The following CDKAL1 variants were observed in gnomAD, a reference collection of about 807,000 sequenced individuals.
CDKAL1 encodes threonylcarbamoyladenosine tRNA methylthiotransferase.
In CDKAL1, 32 loss-of-function variants were observed where a neutral mutation model predicts 68.2. The ratio of observed to expected loss-of-function variants is 0.47; its 90% CI spans 0.35 to 0.63. The LOEUF is 0.63. Among genes scored for constraint, CDKAL1 ranks in the 30% least tolerant of loss-of-function variants. CDKAL1 has a pLI of 0.00. For missense variants in CDKAL1, 606 were observed against 696.7 expected (o/e 0.87, Z 1.47); for synonymous variants, 234 against 244.3 (o/e 0.96, Z 0.39).
chr6:21,030,460 G>A (rs151184117), intron 11 of CDKAL1, among the ~76,000 whole-genome samples: 1,552 of 152,188 alleles, frequency 0.01, 28 homozygotes, highest in African/African-American at 0.036. Context: ...AAACCTACAC[G>A]TTCTGCACTT....
chr6:20,658,566 G>GTTTGT (rs142204888), intron 5 of CDKAL1, among the ~76,000 whole-genome samples: 59,913 of 151,718 alleles, frequency 0.39, 12,904 homozygotes, highest in African/African-American at 0.58. Flanking sequence ...TGAAAATATT[G>GTTTGT]TTTATGTAGA....
At chr6:20,567,472 C>T (rs1425062646) in intron 4 of CDKAL1, among the ~76,000 whole-genome samples, 1 of 152,030 alleles carries the variant, frequency 6.6e-6, no homozygotes, top group African/African-American at 2.4e-5. Flanking sequence ...CCATTTCAAT[C>T]TATTTAAACG....
intron 5 of CDKAL1, among the ~76,000 whole-genome samples, chr6:20,680,189 C>T (rs1372063667): frequency 6.6e-6 from 1 of 152,106 alleles, no homozygotes; most frequent in Non-Finnish European, 1.5e-5. Context: ...GCCTCAGCCT[C>T]CTGAATAGCT....
At chr6:20,877,566 T>A (rs149011502) in intron 9 of CDKAL1, among the ~76,000 whole-genome samples, 8 of 152,336 alleles carry the variant, frequency 5.3e-5, no homozygotes, top group East Asian at 1.9e-4. Flanking sequence ...CACTGTGTAT[T>A]ACCGCAGCTG....
chr6:20,575,903 C>T (rs564388392), intron 4 of CDKAL1, among the ~76,000 whole-genome samples: 61 of 152,250 alleles, frequency 4.0e-4, no homozygotes, highest in Admixed American at 1.2e-3. Context: ...ACAAATCTGT[C>T]GTGCCCCTTA....
chr6:20,911,272 G>A (rs1053497781), intron 9 of CDKAL1, among the ~76,000 whole-genome samples: 8 of 152,196 alleles, frequency 5.3e-5, no homozygotes, highest in Admixed American at 4.6e-4. Context: ...TACCCACTAA[G>A]TAGTAGAACC....
rs191987073 is a variant in CDKAL1 at position 21,131,537 on chromosome 6, T to C, written c.1299+23074T>C. 5.3e-5 allele frequency among the ~76,000 whole-genome samples: 8 copies of C among 152,348 alleles called. No homozygotes were observed. In the East Asian group the frequency reaches 1.5e-3, roughly 29 times the overall value. On this transcript the variant is annotated intron_variant, in intron 13 of 15. Transcript: ENST00000274695. ...TATGTATATAACAGAAAAGTCACCATAGACAAGTCAAAAGCAATTTGATGC... is the reference window on the plus strand; with the variant it reads ...TATGTATATAACAGAAAAGTCACCACAGACAAGTCAAAAGCAATTTGATGC...
intron 9 of CDKAL1, among the ~76,000 whole-genome samples, chr6:20,855,914 A>G (rs1759310675): frequency 6.6e-6 from 1 of 152,144 alleles, no homozygotes; most frequent in Admixed American, 6.5e-5. Context: ...TATAAACATA[A>G]TTCTTTCAGC....
At chr6:20,586,978 G>GC (rs1554157982) in intron 4 of CDKAL1, among the ~76,000 whole-genome samples, 1 of 44,452 alleles carries the variant, frequency 2.2e-5, no homozygotes, top group Non-Finnish European at 3.8e-5. Flanking sequence ...TCCTCCAGGT[G>GC]TTTTTTTTTT....
intron 9 of CDKAL1, among the ~76,000 whole-genome samples, chr6:20,949,345 A>G (rs528200741): frequency 6.6e-6 from 1 of 152,318 alleles, no homozygotes; most frequent in South Asian, 2.1e-4. Context: ...ATATTGTCCA[A>G]AGAATATTCA....
Position 20,535,746 on chromosome 6 carries a change from C to T in CDKAL1, c.-6+352C>T, listed in dbSNP as rs538918095. Among the ~76,000 whole-genome samples the T allele has an allele frequency of 3.9e-5, 6 of 152,174 alleles. No individual in the cohort carries two copies. In the East Asian group the frequency reaches 1.2e-3, roughly 29 times the overall value. On this transcript the variant is annotated intron_variant, in intron 2 of 15. Coordinates refer to ENST00000274695, the MANE Select transcript of CDKAL1 (RefSeq NM_017774.3). The stretch of plus-strand genomic sequence containing the variant: ...AGTCTCTCAAGTCGTGGTCTTGTAC[C>T]TTCTCCTACCTCTGTTCTCTTTTTC...
chr6:20,980,830 G>T (rs920610068), intron 10 of CDKAL1, among the ~76,000 whole-genome samples: 3 of 152,158 alleles, frequency 2.0e-5, no homozygotes, highest in Non-Finnish European at 4.4e-5. Flanking sequence ...TACAAAAGAA[G>T]TTGAAGACCT....
At chr6:20,598,010 CTCTTT>C (rs1460100708) in intron 4 of CDKAL1, among the ~76,000 whole-genome samples, 1 of 152,188 alleles carries the variant, frequency 6.6e-6, no homozygotes, top group Non-Finnish European at 1.5e-5. Flanking sequence ...CATTTTCTCT[CTCTTT>C]TATCTCCTGT....
chr6:20,873,125 C>A (rs1294118765), intron 9 of CDKAL1, among the ~76,000 whole-genome samples: 2 of 151,936 alleles, frequency 1.3e-5, no homozygotes, highest in Non-Finnish European at 2.9e-5. Context: ...TTTTGAGAGT[C>A]AAAAATTGGA....
chr6:21,127,865 T>C (rs1235177489), intron 13 of CDKAL1, among the ~76,000 whole-genome samples: 1 of 152,220 alleles, frequency 6.6e-6, no homozygotes, highest in Non-Finnish European at 1.5e-5. Context: ...AATATTAGAA[T>C]GGTACAGTAG....
intron 5 of CDKAL1, among the ~76,000 whole-genome samples, chr6:20,667,482 AC>A (rs570126484): frequency 0.03 from 4,533 of 151,828 alleles, 86 homozygotes; most frequent in Non-Finnish European, 0.047. Context: ...CTTATTTTAC[AC>A]CCCCCTTCCC....
chr6:21,175,503 A>T lies in CDKAL1; in HGVS notation c.1300-22518A>T, dbSNP rs540722081. ...AGCTCAGAGACAAATTTAGCACTCA[A>T]TGTAGTGACCTATACTTAGGTTTAG... is the stretch of plus-strand genomic sequence containing the variant. On this transcript the variant is annotated intron_variant, in intron 13 of 15. Transcript: ENST00000274695. 9.9e-5 allele frequency among the ~76,000 whole-genome samples: 15 copies of T among 152,214 alleles called. No homozygotes were observed. In the East Asian group the frequency reaches 2.9e-3, roughly 29 times the overall value.
intron 5 of CDKAL1, among the ~76,000 whole-genome samples, chr6:20,699,509 G>T (rs553904598): frequency 2.5e-4 from 38 of 152,002 alleles, no homozygotes; most frequent in African/African-American, 8.4e-4. Context: ...ACTTCAAACT[G>T]CCTTTCCTGT....
At chr6:21,084,135 G>T (rs1376751178) in intron 12 of CDKAL1, among the ~76,000 whole-genome samples, 1 of 152,086 alleles carries the variant, frequency 6.6e-6, no homozygotes, top group Non-Finnish European at 1.5e-5. Flanking sequence ...CAGTGGTTTA[G>T]TTCACATTTG....
Sources: allele counts gnomAD v4.1 joint callset (sites outside exome capture counted in the v4.1 genomes callset), GRCh38; gene constraint gnomAD v4.1.1; transcripts MANE v1.5; gene names NCBI Gene and HGNC (gene_info 2026-07-23, HGNC 2026-07-21).